Variants in BBS9 observed in about 807,000 individuals in gnomAD.
BBS9 encodes protein PTHB1.
A neutral mutation model predicts 117.7 loss-of-function variants in BBS9; 89 were observed. The ratio of observed to expected loss-of-function variants is 0.76; its 90% confidence interval spans 0.64 to 0.90. The LOEUF is 0.90. Ranked by LOEUF, BBS9 falls within the 40% of genes least tolerant of loss-of-function variation. The probability of loss-of-function intolerance (pLI) is 0.00; values close to 1 mark genes in which losing one functional copy is unlikely to be tolerated. For missense variants in BBS9, 982 were observed against 1,042.2 expected (o/e 0.94, Z 0.80); for synonymous variants, 379 against 370.9 (o/e 1.02, Z -0.25).
intron 5 of BBS9, among the ~76,000 whole-genome samples, chr7:33,187,540 C>A (rs1185104755): frequency 6.6e-6 from 1 of 152,236 alleles, no homozygotes; most frequent in Non-Finnish European, 1.5e-5. Context: ...GTCTGTCCAT[C>A]CCCTCATCCA....
intron 4 of BBS9, among the ~76,000 whole-genome samples, chr7:33,161,184 A>G (rs1794780214): frequency 6.6e-6 from 1 of 152,022 alleles, no homozygotes; most frequent in East Asian, 1.9e-4. Context: ...GGTTTGTTAC[A>G]TAGGTATACT....
At chr7:33,627,560 C>T (rs541514433) in intron 21 of BBS9, among the ~76,000 whole-genome samples, 2 of 152,346 alleles carry the variant, frequency 1.3e-5, no homozygotes, top group East Asian at 3.9e-4. Context: ...AAGCCACAGA[C>T]ACTCAATTCC....
intron 4 of BBS9, among the ~76,000 whole-genome samples, chr7:33,172,442 C>T (rs2128150246): frequency 1.3e-5 from 2 of 152,010 alleles, no homozygotes; most frequent in Non-Finnish European, 2.9e-5. Context: ...GTCATGTCCA[C>T]CTATGCAGAC....
At chr7:33,436,648 G>A (rs1835341655) in intron 19 of BBS9, among the ~76,000 whole-genome samples, 1 of 152,152 alleles carries the variant, frequency 6.6e-6, no homozygotes, top group Non-Finnish European at 1.5e-5. Context: ...TTGAAGTCAA[G>A]CTGTTCTCTC....
At chr7:33,309,723 A>C (rs1160394909) in intron 9 of BBS9, among the ~76,000 whole-genome samples, 3 of 152,204 alleles carry the variant, frequency 2.0e-5, no homozygotes, top group African/African-American at 7.2e-5. Context: ...ACTCATACTC[A>C]TGTAAGTTAA....
At chr7:33,303,286 A>ACTTT (rs1421056561) in intron 9 of BBS9, among the ~76,000 whole-genome samples, 2 of 152,078 alleles carry the variant, frequency 1.3e-5, no homozygotes, top group Non-Finnish European at 2.9e-5. Context: ...TCTAGATAGG[A>ACTTT]CTTTCAGTAC....
intron 17 of BBS9, among the ~76,000 whole-genome samples, chr7:33,382,432 C>T (rs1265898138): frequency 6.7e-6 from 1 of 148,222 alleles, no homozygotes; most frequent in Non-Finnish European, 1.5e-5. Context: ...TGCACTCCAG[C>T]CTGGGTGACA....
At chr7:33,473,084 GAT>G (rs1297258532) in intron 19 of BBS9, among the ~76,000 whole-genome samples, 1 of 152,166 alleles carries the variant, frequency 6.6e-6, no homozygotes, top group Non-Finnish European at 1.5e-5. Context: ...AACTTGGGAA[GAT>G]TTTGTCATTC....
intron 16 of BBS9, among the ~76,000 whole-genome samples, chr7:33,364,726 C>T (rs1373288714): frequency 7.4e-6 from 1 of 134,356 alleles, no homozygotes; most frequent in Non-Finnish European, 1.6e-5. Flanking sequence ...TCCTCCTCCC[C>T]CTCCTCTCAC....
chr7:33,317,081 A>G (rs1810663341), intron 9 of BBS9, among the ~76,000 whole-genome samples: 2 of 152,264 alleles, frequency 1.3e-5, no homozygotes, highest in African/African-American at 2.4e-5. Flanking sequence ...TGGATATCCA[A>G]TTGCTCCAAC....
At chr7:33,525,669 T>C (rs1430079295) in intron 20 of BBS9, among the ~76,000 whole-genome samples, 12 of 131,260 alleles carry the variant, frequency 9.1e-5, no homozygotes, top group East Asian at 4.3e-4. Context: ...GTTTCCTGAA[T>C]ACAGCACACT....
chr7:33,454,001 G>A (rs991075549), intron 19 of BBS9, among the ~76,000 whole-genome samples: 4 of 152,090 alleles, frequency 2.6e-5, no homozygotes, highest in African/African-American at 9.7e-5. Flanking sequence ...GCGGGGTGTG[G>A]GGGTCACACC....
chr7:33,596,919 C>G (rs1410610588), intron 21 of BBS9, among the ~76,000 whole-genome samples: 1 of 152,032 alleles, frequency 6.6e-6, no homozygotes, highest in Non-Finnish European at 1.5e-5. Context: ...CAGCAGATGC[C>G]TGGCTTTTTA....
intron 20 of BBS9, among the ~76,000 whole-genome samples, chr7:33,516,968 T>A (rs1847900431): frequency 1.3e-5 from 2 of 152,192 alleles, no homozygotes; most frequent in Admixed American, 6.5e-5. Context: ...GTGGTGAAAC[T>A]CCCCAGCTGC....
At chr7:33,285,868 A>T (rs1258577613) in intron 9 of BBS9, among the ~76,000 whole-genome samples, 1 of 151,994 alleles carries the variant, frequency 6.6e-6, no homozygotes, top group Non-Finnish European at 1.5e-5. Context: ...CCTTAGGAAA[A>T]GTTAGATATC....
chr7:33,384,713 TGTGAGA>T (rs1221949313), intron 18 of BBS9, among the ~76,000 whole-genome samples: 1 of 136,206 alleles, frequency 7.3e-6, no homozygotes, highest in Admixed American at 7.1e-5. Context: ...TGTGTGTGTG[TGTGAGA>T]GAGAGAGAGA....
intron 5 of BBS9, 33 bp downstream of exon 5, chr7:33,177,624 C>T: frequency 7.3e-7 from 1 of 1,374,606 alleles, no homozygotes; most frequent in Non-Finnish European, 1.0e-6. Context: ...TATGCTATTT[C>T]AAGTGACAGA....
chr7:33,604,570 G>A (rs896465385), intron 21 of BBS9, among the ~76,000 whole-genome samples: 1 of 152,152 alleles, frequency 6.6e-6, no homozygotes, highest in African/African-American at 2.4e-5. Flanking sequence ...TATCACATAT[G>A]CTATAGGATA....
At chr7:33,138,995 G>C (rs927499510) in intron 1 of BBS9, among the ~76,000 whole-genome samples, 1 of 151,340 alleles carries the variant, frequency 6.6e-6, no homozygotes, top group East Asian at 2.2e-4. Flanking sequence ...GCTCATGCCT[G>C]TAATCCCAGC....
Sources: allele counts gnomAD v4.1 joint callset (sites outside exome capture counted in the v4.1 genomes callset), GRCh38; gene constraint gnomAD v4.1.1; transcripts MANE v1.5; gene names NCBI Gene and HGNC (gene_info 2026-07-23, HGNC 2026-07-21).